OR4N2: variants seen among roughly 807,000 people sequenced by gnomAD.
OR4N2 encodes olfactory receptor family 4 subfamily N member 2, also known as olfactory receptor 4N2.
For missense variants in OR4N2, 307 were observed against 377.6 expected (o/e 0.81, Z 1.55); for synonymous variants, 141 against 140.4 (o/e 1.00, Z -0.03).
chr14:19,813,061 G>C (rs1391495196), intron 1 of OR4N2, among the ~76,000 whole-genome samples: 3 of 152,162 alleles, frequency 2.0e-5, no homozygotes, highest in African/African-American at 4.8e-5. Context: ...GACTATTTTA[G>C]ATCTTCAGAT....
At chr14:19,822,541 A>G (rs1879592985) in intron 1 of OR4N2, 1 of 152,276 alleles carries the variant, frequency 6.6e-6, no homozygotes, top group Non-Finnish European at 1.5e-5. Context: ...AGCTTGATAT[A>G]CAAACCACTA....
chr14:19,810,161 A>G (rs1879261249), intron 1 of OR4N2, among the ~76,000 whole-genome samples: 1 of 152,244 alleles, frequency 6.6e-6, no homozygotes. Flanking sequence ...GCAAAAAACA[A>G]TCTCTTTAAA....
intron 1 of OR4N2, among the ~76,000 whole-genome samples, chr14:19,815,663 T>G (rs1370090583): frequency 1.1e-4 from 17 of 151,450 alleles, no homozygotes; most frequent in Middle Eastern, 6.8e-3. Context: ...TTGTTTTTTT[T>G]TTTTTTGTTT....
intron 1 of OR4N2, among the ~76,000 whole-genome samples, chr14:19,821,503 G>A (rs1416969048): frequency 2.0e-5 from 3 of 152,018 alleles, no homozygotes; most frequent in Non-Finnish European, 2.9e-5. Context: ...GCTTGCTTTC[G>A]TGGTACAAAG....
At chr14:19,826,940 G>C (rs369064143) in intron 1 of OR4N2, among the ~76,000 whole-genome samples, 1 of 152,258 alleles carries the variant, frequency 6.6e-6, no homozygotes, top group Non-Finnish European at 1.5e-5. Flanking sequence ...GTAAGGAAGA[G>C]AGTTACCAGC....
At chr14:19,825,964 T>TA (rs1267190706) in intron 1 of OR4N2, among the ~76,000 whole-genome samples, 2 of 152,262 alleles carry the variant, frequency 1.3e-5, no homozygotes, top group Non-Finnish European at 2.9e-5. Context: ...TTTTCAAACT[T>TA]AAAAAATCTA....
At chr14:19,820,267 T>G (rs1346228373) in intron 1 of OR4N2, among the ~76,000 whole-genome samples, 2 of 152,360 alleles carry the variant, frequency 1.3e-5, no homozygotes, top group African/African-American at 4.8e-5. Flanking sequence ...TGAAGAGTTT[T>G]TTGTGTCTCT....
At chr14:19,825,535 T>G (rs1375538573) in intron 1 of OR4N2, among the ~76,000 whole-genome samples, 1 of 144,016 alleles carries the variant, frequency 6.9e-6, no homozygotes, top group Non-Finnish European at 1.5e-5. Flanking sequence ...ACTTATTTAT[T>G]TATTTATTTA....
Position 19,829,919 on chromosome 14 carries a change from C to T in OR4N2, c.*1547C>T, listed in dbSNP as rs1049875302. 1.3e-5 allele frequency: 2 copies of T among 152,224 alleles called. No homozygotes were observed. Among genetic ancestry groups the T allele is most frequent in the Admixed American group, 1.3e-4 (2 of 15,266 alleles). The allele number at this position is 152,224 out of a possible 1,614,324, so 9.4% of individuals were successfully genotyped here. Reference sequence around the variant, plus strand: ...CTCACTCTGTTTATTGCGTTGCTTCCTGTTTTAGTGAGAAAGGTAGCAGGT... The same window carrying T: ...CTCACTCTGTTTATTGCGTTGCTTCTTGTTTTAGTGAGAAAGGTAGCAGGT... On this transcript the variant is annotated 3_prime_UTR_variant, in exon 2 of 2. Coordinates refer to ENST00000557677, the MANE Select transcript of OR4N2 (RefSeq NM_001004723.3).
chr14:19,807,288 C>G (rs1879188178), intron 1 of OR4N2, among the ~76,000 whole-genome samples: 1 of 151,050 alleles, frequency 6.6e-6, no homozygotes, highest in Non-Finnish European at 1.5e-5. Flanking sequence ...TCAGTGAAAC[C>G]AATAATTGGT....
intron 1 of OR4N2, among the ~76,000 whole-genome samples, chr14:19,806,749 A>C (rs1053076133): frequency 1.3e-5 from 2 of 152,192 alleles, no homozygotes; most frequent in African/African-American, 4.8e-5. Context: ...CCCAACAACC[A>C]TGGAATATTC....
intron 1 of OR4N2, among the ~76,000 whole-genome samples, chr14:19,809,865 A>T (rs1271766238): frequency 6.6e-6 from 1 of 152,282 alleles, no homozygotes; most frequent in African/African-American, 2.4e-5. Context: ...TGGATTGGAG[A>T]ATTAAATGTA....
At position 19,829,709 on chromosome 14, in the gene OR4N2, C is replaced by T. The variant is rs1460238926; in HGVS notation, c.*1337C>T. 2.0e-5 allele frequency: 3 copies of T among 152,222 alleles called. No homozygotes were observed. Among genetic ancestry groups the T allele is most frequent in the African/African-American group, 4.8e-5 (2 of 41,450 alleles). The allele number at this position is 152,222 out of a possible 1,614,324, so 9.4% of individuals were successfully genotyped here. ...TATATATTCAAATCTCAAATGAGTACATTAAATGGGCAGCATCCAAAACAT... is the reference window on the plus strand; with the variant it reads ...TATATATTCAAATCTCAAATGAGTATATTAAATGGGCAGCATCCAAAACAT... On this transcript the variant is annotated 3_prime_UTR_variant, in exon 2 of 2. Transcript: ENST00000557677.
At chr14:19,822,694 A>G (rs967915437) in intron 1 of OR4N2, among the ~76,000 whole-genome samples, 3 of 152,262 alleles carry the variant, frequency 2.0e-5, no homozygotes, top group Non-Finnish European at 4.4e-5. Context: ...TGTCCATTCA[A>G]TATAACTACT....
chr14:19,811,349 C>T (rs1879290665), intron 1 of OR4N2, among the ~76,000 whole-genome samples: 1 of 152,220 alleles, frequency 6.6e-6, no homozygotes, highest in Non-Finnish European at 1.5e-5. Context: ...TGGGTTAATG[C>T]CATTCTCCTG....
intron 1 of OR4N2, among the ~76,000 whole-genome samples, chr14:19,804,531 C>T (rs1879116899): frequency 6.6e-6 from 1 of 152,114 alleles, no homozygotes; most frequent in Non-Finnish European, 1.5e-5. Flanking sequence ...GTATTGATTT[C>T]AATGTTTATT....
chr14:19,805,881 C>T (rs948835860), intron 1 of OR4N2, among the ~76,000 whole-genome samples: 1 of 152,144 alleles, frequency 6.6e-6, no homozygotes, highest in Non-Finnish European at 1.5e-5. Flanking sequence ...GAACTTTCAG[C>T]AGAACCTTTA....
In OR4N2 at chr14:19,806,066, C is replaced by T. The variant is rs186529555; in HGVS notation, c.-10+2222C>T. 2.8e-3 allele frequency among the ~76,000 whole-genome samples: 423 copies of T among 152,212 alleles called. 6 individuals carry two copies. The highest frequency in any genetic ancestry group is 0.025 in the Admixed American group (389 of 15,274). On this transcript the variant is annotated intron_variant, in intron 1 of 1. Transcript: ENST00000557677. ...CAACTTAGCTAGCCTTACAACAGGT[C>T]CTTAAGGGAGTGCTAAACATGTGAA... is the stretch of plus-strand genomic sequence containing the variant.
In OR4N2 at chr14:19,825,053, C is replaced by A. The variant is rs1316070192; in HGVS notation, c.-9-2387C>A. 2.6e-4 allele frequency among the ~76,000 whole-genome samples: 40 copies of A among 152,188 alleles called. 2 individuals are homozygous for A. Among genetic ancestry groups the A allele is most frequent in the Admixed American group, 6.5e-5 (1 of 15,288 alleles). On this transcript the variant is annotated intron_variant, in intron 1 of 1. Coordinates refer to ENST00000557677, the MANE Select transcript of OR4N2 (RefSeq NM_001004723.3). ...AATAAATGTTGAGACAAATGGCTGG[C>A]AAAGGGGGAAAGGTTAAGACATGAG... is the stretch of plus-strand genomic sequence containing the variant.
Sources: allele counts gnomAD v4.1 joint callset (sites outside exome capture counted in the v4.1 genomes callset), GRCh38; gene constraint gnomAD v4.1.1; transcripts MANE v1.5; gene names NCBI Gene and HGNC (gene_info 2026-07-23, HGNC 2026-07-21).